The following CRYBG1 variants were observed in gnomAD, a reference collection of about 807,000 sequenced individuals.
CRYBG1 encodes crystallin beta-gamma domain containing 1.
In CRYBG1, 139 loss-of-function variants were observed where a neutral mutation model predicts 189.2. The observed-to-expected ratio is 0.73, with a 90% CI of 0.64 to 0.85. The LOEUF (loss-of-function observed/expected upper bound fraction) is 0.85. Ranked by LOEUF, CRYBG1 falls within the 40% of genes least tolerant of loss-of-function variation. The probability of loss-of-function intolerance (pLI) is 0.00; values close to 1 mark genes in which losing one functional copy is unlikely to be tolerated. For missense variants in CRYBG1, 2,611 were observed against 2,675.8 expected, an observed-to-expected ratio of 0.98 and a Z score of 0.53; for synonymous variants, 1,023 against 1,017.1, an observed-to-expected ratio of 1.01 and a Z score of -0.11.
chr6:106,451,351 C>T (rs1417352), intron 1 of CRYBG1: 117,143 of 165,756 alleles, frequency 0.71, 41,474 homozygotes, highest in Middle Eastern at 0.78. Flanking sequence ...TTAAAAGCCA[C>T]GACATAGAAC....
chr6:106,435,675 C>T (rs113505338), intron 1 of CRYBG1, among the ~76,000 whole-genome samples: 51 of 152,110 alleles, frequency 3.4e-4, no homozygotes, highest in African/African-American at 1.2e-3. Flanking sequence ...GATCTTAGCC[C>T]ACTGCAACCT....
chr6:106,491,582 G>A (rs569028487), intron 2 of CRYBG1, among the ~76,000 whole-genome samples: 2 of 152,198 alleles, frequency 1.3e-5, no homozygotes, highest in Admixed American at 1.3e-4. Flanking sequence ...GAGACTCTGC[G>A]TCATGGAGTT....
intron 1 of CRYBG1, among the ~76,000 whole-genome samples, chr6:106,447,486 T>C (rs554614916): frequency 1.2e-4 from 18 of 151,488 alleles, no homozygotes; most frequent in African/African-American, 4.1e-4. Context: ...AGGGGATGGA[T>C]GCCCCATTCT....
chr6:106,554,033 T>G (rs1165343762), intron 16 of CRYBG1, among the ~76,000 whole-genome samples: 1 of 152,156 alleles, frequency 6.6e-6, no homozygotes, highest in Non-Finnish European at 1.5e-5. Flanking sequence ...ACACTGAGTT[T>G]AGATGGCTTC....
At chr6:106,373,022 G>A (rs943889863) in intron 1 of CRYBG1, among the ~76,000 whole-genome samples, 2 of 152,178 alleles carry the variant, frequency 1.3e-5, no homozygotes, top group South Asian at 2.1e-4. Flanking sequence ...GTGTGTGTGT[G>A]TACAGGGGAG....
intron 1 of CRYBG1, among the ~76,000 whole-genome samples, chr6:106,389,136 A>G (rs1770447749): frequency 6.6e-6 from 1 of 152,046 alleles, no homozygotes; most frequent in Non-Finnish European, 1.5e-5. Flanking sequence ...GTGACTTTTT[A>G]TCATTTTGTA....
intron 2 of CRYBG1, among the ~76,000 whole-genome samples, chr6:106,510,455 C>T (rs1426376227): frequency 6.6e-6 from 1 of 152,222 alleles, no homozygotes; most frequent in South Asian, 2.1e-4. Flanking sequence ...AGCCGTTTTG[C>T]TCCAGGAGAT....
intron 1 of CRYBG1, among the ~76,000 whole-genome samples, chr6:106,440,596 T>G (rs1363981132): frequency 6.6e-6 from 1 of 152,188 alleles, no homozygotes; most frequent in East Asian, 1.9e-4. Flanking sequence ...ATTCTTTGTT[T>G]CCCCTTTCAT....
rs1774120069 is a variant in CRYBG1 at position 106,541,122 on chromosome 6, A to G, written c.4846-464A>G. 1.7e-4 allele frequency: 66 copies of G among 378,078 alleles called. 3 individuals carry two copies. Among genetic ancestry groups the G allele is most frequent in the South Asian group, 1.3e-3 (65 of 49,816 alleles). 23.4% of individuals were successfully genotyped at this position (378,078 alleles called of 1,614,324 possible). A position where few individuals can be genotyped will look rare whatever the true frequency, so the allele number is the denominator to read the frequency against. On this transcript the variant is annotated intron_variant, in intron 9 of 21. Transcript: ENST00000633556. ...AATACCTTCAGGGGCCAGGCAGCAAATACAAATGGCTGAGAGTTAAACCGA... is the reference window on the plus strand; with the variant it reads ...AATACCTTCAGGGGCCAGGCAGCAAGTACAAATGGCTGAGAGTTAAACCGA...
intron 1 of CRYBG1, among the ~76,000 whole-genome samples, chr6:106,429,403 A>G (rs915478227): frequency 1.3e-4 from 20 of 152,186 alleles, no homozygotes; most frequent in African/African-American, 3.1e-4. Context: ...CCATATATAT[A>G]TATATAATTC....
At position 106,380,733 on chromosome 6, in the gene CRYBG1, G is replaced by T. The variant is rs536733132; in HGVS notation, c.173+19652G>T. Among the ~76,000 whole-genome samples the T allele has an allele frequency of 2.9e-3, 435 of 152,194 alleles. 1 individual carries two copies. Among genetic ancestry groups the T allele is most frequent in the Non-Finnish European group, 4.6e-3 (316 of 68,018 alleles). ...GGTGAATTCAGTCTTTTATCATAGG[G>T]TTTGTTCTGGTCTTAAAGTCTCTGA... is the stretch of plus-strand genomic sequence containing the variant. On this transcript the variant is annotated intron_variant, in intron 1 of 21. Coordinates refer to ENST00000633556, the MANE Select transcript of CRYBG1 (RefSeq NM_001371242.2).
At chr6:106,423,694 CCTTTTTTTTTTTTTTT>C (rs1213177524) in intron 1 of CRYBG1, among the ~76,000 whole-genome samples, 1 of 101,246 alleles carries the variant, frequency 9.9e-6, no homozygotes, top group Non-Finnish European at 1.9e-5. Flanking sequence ...TTCTCCCTCC[CCTTTTTTTTTTTTTTT>C]TTTTTTTTTT....
chr6:106,451,847 C>T lies in CRYBG1; in HGVS notation c.312+15C>T. On this transcript the variant is annotated intron_variant, in intron 2 of 21. Transcript: ENST00000633556. Reference sequence around the variant, plus strand: ...TATTTAAAAAGGTAATGCTTCATTTCTAATGTTTGACTCCCAAGAATAAAC... The same window carrying T: ...TATTTAAAAAGGTAATGCTTCATTTTTAATGTTTGACTCCCAAGAATAAAC... The T allele has an allele frequency of 1.3e-6, 2 of 1,531,940 alleles. No homozygotes were observed. The highest frequency in any genetic ancestry group is 1.7e-6 in the Non-Finnish European group (2 of 1,144,810). 94.9% of individuals were successfully genotyped at this position (1,531,940 alleles called of 1,614,324 possible). A position where few individuals can be genotyped will look rare whatever the true frequency, so the allele number is the denominator to read the frequency against.
At chr6:106,387,300 T>A (rs964596676) in intron 1 of CRYBG1, among the ~76,000 whole-genome samples, 4 of 107,020 alleles carry the variant, frequency 3.7e-5, no homozygotes, top group African/African-American at 2.4e-4. Flanking sequence ...TGGAAAAAAA[T>A]TTGTGATACA....
rs549312663 is a variant in CRYBG1 at position 106,420,171 on chromosome 6, G to A, written c.174-31523G>A. ...CTCAAAACAAATACAAGTTTATTTA[G>A]CCAAGGTTGAAGACACACCCAGGAA... On this transcript the variant is annotated intron_variant, in intron 1 of 21. Coordinates refer to ENST00000633556, the MANE Select transcript of CRYBG1 (RefSeq NM_001371242.2). Among the ~76,000 whole-genome samples the A allele has an allele frequency of 2.0e-5, 3 of 152,296 alleles. No homozygotes were observed. The East Asian group carries it at 5.8e-4, about 29-fold the overall frequency.
intron 18 of CRYBG1, 142 bp downstream of exon 18, chr6:106,558,767 A>G: frequency 1.5e-6 from 1 of 671,840 alleles, no homozygotes; most frequent in East Asian, 3.2e-5. Flanking sequence ...ATTCAAGAAA[A>G]GCCTGGGCAA....
chr6:106,454,411 C>A (rs183888607), intron 2 of CRYBG1, among the ~76,000 whole-genome samples: 3 of 152,304 alleles, frequency 2.0e-5, no homozygotes, highest in African/African-American at 7.2e-5. Flanking sequence ...TACTGGGAAA[C>A]AAATGTTGAC....
At chr6:106,436,173 C>T (rs1582761528) in intron 1 of CRYBG1, among the ~76,000 whole-genome samples, 1 of 97,150 alleles carries the variant, frequency 1.0e-5, no homozygotes, top group Non-Finnish European at 2.0e-5. Flanking sequence ...ATGTCAATTT[C>T]GGAAAATACA....
chr6:106,490,581 T>G (rs1212820927), intron 2 of CRYBG1, among the ~76,000 whole-genome samples: 1 of 152,190 alleles, frequency 6.6e-6, no homozygotes, highest in Non-Finnish European at 1.5e-5. Context: ...TTATATGAAT[T>G]TTTTTCCAAT....
Sources: gnomAD v4.1 joint callset for allele counts (sites outside exome capture counted in the v4.1 genomes callset) on GRCh38, gnomAD v4.1.1 for gene constraint, MANE v1.5 for transcripts, NCBI Gene and HGNC (gene_info 2026-07-23, HGNC 2026-07-21) for gene names.